Variants in EIF4H observed in about 807,000 individuals in gnomAD.
EIF4H encodes the protein Williams-Beuren syndrome chromosome region 1.
A neutral mutation model predicts 30.6 loss-of-function variants in EIF4H; 8 were observed. The observed-to-expected ratio is 0.26, with a 90% confidence interval of 0.15 to 0.47. The LOEUF (loss-of-function observed/expected upper bound fraction) is 0.47, where lower values mean the gene tolerates loss of function less well. EIF4H is among the 20% of genes least tolerant of loss of function. EIF4H has a pLI of 0.99. For synonymous variants in EIF4H, 106 were observed against 122.7 expected, an observed-to-expected ratio of 0.86 and a Z score of 0.90; for missense variants, 188 against 339.5, an observed-to-expected ratio of 0.55 and a Z score of 3.51.
chr7:74,184,200 C>T (rs1461533271), intron 1 of EIF4H, among the ~76,000 whole-genome samples: 1 of 151,932 alleles, frequency 6.6e-6, no homozygotes, highest in Non-Finnish European at 1.5e-5. Flanking sequence ...CCAGAGCCAC[C>T]TTCCTGTCCT....
intron 1 of EIF4H, among the ~76,000 whole-genome samples, chr7:74,179,998 T>C (rs968056044): frequency 2.6e-5 from 4 of 152,178 alleles, no homozygotes; most frequent in Admixed American, 6.5e-5. Context: ...GGAGGATCAC[T>C]CTAGCCCAGT....
intron 5 of EIF4H, among the ~76,000 whole-genome samples, chr7:74,193,399 G>C (rs1310462819): frequency 6.6e-6 from 1 of 152,146 alleles, no homozygotes; most frequent in African/African-American, 2.4e-5. Flanking sequence ...GAATTTTAGC[G>C]ACTGGGTGGA....
intron 5 of EIF4H, among the ~76,000 whole-genome samples, chr7:74,193,251 A>G (rs1345584114): frequency 1.3e-5 from 2 of 152,216 alleles, no homozygotes; most frequent in African/African-American, 2.4e-5. Flanking sequence ...CCCGACACTC[A>G]TCGTGAAAAG....
rs2115981756 is a variant in EIF4H at position 74,190,308 on chromosome 7, T to C, written c.469+2T>C. On this transcript the variant is annotated splice_donor_variant, in intron 5 of 6. Coordinates refer to ENST00000265753, the MANE Select transcript of EIF4H (RefSeq NM_022170.2). LOFTEE classifies it high-confidence loss of function. ...ATTCCCGGGATGACTTCAATTCTGG[T>C]ATCAGTATTTAAAGTATCACCACTT... 1.7e-5 allele frequency: 28 copies of C among 1,613,736 alleles called. No individual in the cohort carries two copies. The highest frequency in any genetic ancestry group is 2.2e-5 in the Non-Finnish European group (26 of 1,179,592).
At chr7:74,188,267 G>A (rs1801132629) in intron 2 of EIF4H, among the ~76,000 whole-genome samples, 1 of 152,198 alleles carries the variant, frequency 6.6e-6, no homozygotes, top group Admixed American at 6.5e-5. Context: ...AGTGTGCTTG[G>A]GAGGGCTGGC....
intron 5 of EIF4H, among the ~76,000 whole-genome samples, chr7:74,193,676 G>A (rs890517425): frequency 1.3e-5 from 2 of 151,292 alleles, no homozygotes; most frequent in South Asian, 4.2e-4. Context: ...GTAATGGCAC[G>A]ATCTTGGCTC....
chr7:74,184,951 G>T (rs868978540), intron 1 of EIF4H, among the ~76,000 whole-genome samples: 3 of 152,088 alleles, frequency 2.0e-5, no homozygotes, highest in Admixed American at 1.3e-4. Context: ...GAAGTGCTGG[G>T]ATTACAGGTA....
chr7:74,194,623 G>T (rs1296046201), intron 5 of EIF4H, 118 bp from the exon 6 acceptor site: 2 of 1,386,874 alleles, frequency 1.4e-6, no homozygotes, highest in Admixed American at 2.6e-5. Flanking sequence ...AGAGACTTCA[G>T]ATAGTGGACA....
At chr7:74,180,491 C>G (rs1251354017) in intron 1 of EIF4H, among the ~76,000 whole-genome samples, 1 of 152,206 alleles carries the variant, frequency 6.6e-6, no homozygotes, top group Non-Finnish European at 1.5e-5. Flanking sequence ...ATTTTAAATA[C>G]TTCAAGTGCA....
rs1468864767 is a variant in EIF4H, at chr7:74,192,274, A to G, written c.469+1968A>G. ...GAAACGTGAAGTTAAATGTTTTAAT[A>G]CTAACTAGGCTTGTTCACTGAACTG... On this transcript the variant is annotated intron_variant, in intron 5 of 6. Coordinates refer to ENST00000265753, the MANE Select transcript of EIF4H (RefSeq NM_022170.2). Among the ~76,000 whole-genome samples the G allele has an allele frequency of 1.2e-4, 19 of 152,218 alleles. No individual in the cohort carries two copies. In the South Asian group the frequency reaches 3.7e-3, roughly 30 times the overall value.
At chr7:74,192,254 G>T (rs890843438) in intron 5 of EIF4H, among the ~76,000 whole-genome samples, 2 of 152,156 alleles carry the variant, frequency 1.3e-5, no homozygotes, top group African/African-American at 4.8e-5. Context: ...TGGGGGAAAC[G>T]TGAAGTTAAA....
At chr7:74,193,849 C>T (rs1008935118) in intron 5 of EIF4H, among the ~76,000 whole-genome samples, 22 of 152,084 alleles carry the variant, frequency 1.4e-4, no homozygotes, top group African/African-American at 4.8e-4. Context: ...CTATACTCAC[C>T]TCCCACCTCA....
intron 5 of EIF4H, among the ~76,000 whole-genome samples, chr7:74,193,429 T>C (rs1801269754): frequency 6.6e-6 from 1 of 152,042 alleles, no homozygotes; most frequent in Non-Finnish European, 1.5e-5. Flanking sequence ...ATGGGATCTG[T>C]GGATAATGAG....
chr7:74,175,456 C>G (rs969142118), intron 1 of EIF4H, among the ~76,000 whole-genome samples: 2 of 152,226 alleles, frequency 1.3e-5, no homozygotes, highest in Non-Finnish European at 2.9e-5. Flanking sequence ...CCAAAAGTAT[C>G]TTTGTTTGGT....
In EIF4H at chr7:74,196,636, A is replaced by G. The variant is rs1317222094; in HGVS notation, c.*1328A>G. 1 of 151,584 alleles carries G rather than the reference A, an allele frequency of 6.6e-6. No homozygotes were observed. The highest frequency in any genetic ancestry group is 6.6e-5 in the Admixed American group (1 of 15,206). 9.4% of individuals were successfully genotyped at this position (151,584 alleles called of 1,614,324 possible). On this transcript the variant is annotated 3_prime_UTR_variant, in exon 7 of 7. Coordinates refer to ENST00000265753, the MANE Select transcript of EIF4H (RefSeq NM_022170.2). ...GGGCGGCCGGCAGCAGGAGCCTGGG[A>G]AAGAGGCCCTCGCCAGGTGATGGCA...
chr7:74,189,990 TC>T, intron 4 of EIF4H, 72 bp downstream of exon 4: 1 of 1,534,700 alleles, frequency 6.5e-7, no homozygotes, highest in Non-Finnish European at 8.9e-7. Flanking sequence ...TCGTGAACGT[TC>T]CTAGTAGAAC....
chr7:74,186,278 C>T (rs1435403028), intron 1 of EIF4H, among the ~76,000 whole-genome samples: 3 of 150,430 alleles, frequency 2.0e-5, no homozygotes, highest in Non-Finnish European at 4.4e-5. Flanking sequence ...GGCTGGAGTG[C>T]AATGGGCTCA....
At chr7:74,190,060 C>T (rs1392045880) in intron 4 of EIF4H, 142 bp downstream of exon 4, 2 of 1,187,108 alleles carry the variant, frequency 1.7e-6, no homozygotes, top group South Asian at 1.6e-5. Flanking sequence ...GCGTAAAATC[C>T]TAGAAAGAAT....
intron 3 of EIF4H, 38 bp from the exon 4 acceptor site, chr7:74,189,784 C>A: frequency 6.2e-7 from 1 of 1,614,032 alleles, no homozygotes; most frequent in Non-Finnish European, 8.5e-7. Context: ...AGATTGTTTT[C>A]TTTGCCAATA....
Sources: allele counts gnomAD v4.1 joint callset (sites outside exome capture counted in the v4.1 genomes callset), GRCh38; gene constraint gnomAD v4.1.1; transcripts MANE v1.5; gene names NCBI Gene and HGNC (gene_info 2026-07-23, HGNC 2026-07-21).